SARAF: variants seen among roughly 807,000 people sequenced by gnomAD.
The protein encoded by SARAF is store-operated calcium entry associated regulatory factor.
A neutral mutation model predicts 39.7 loss-of-function variants in SARAF; 23 were observed. That is an observed-to-expected ratio of 0.58 (90% CI 0.42 to 0.82). The LOEUF (loss-of-function observed/expected upper bound fraction) is 0.82, where lower values mean the gene tolerates loss of function less well. Ranked by LOEUF, SARAF falls within the 40% of genes least tolerant of loss-of-function variation. The pLI is 0.00. For missense variants in SARAF, 384 were observed against 418.5 expected, an observed-to-expected ratio of 0.92 and a Z score of 0.72; for synonymous variants, 175 against 168.5, an observed-to-expected ratio of 1.04 and a Z score of -0.30.
intron 1 of SARAF, chr8:30,078,318 C>T (rs1489170090): frequency 4.7e-5 from 20 of 427,570 alleles, no homozygotes; most frequent in Non-Finnish European, 7.8e-5. Context: ...AAGAAAAGTT[C>T]CCACACTGAA....
In SARAF at chr8:30,066,036, T is replaced by G; in HGVS notation, c.946A>C (p.Ser316Arg). 1.2e-6 allele frequency: 2 copies of G among 1,614,138 alleles called. No homozygotes were observed. Among genetic ancestry groups the G allele is most frequent in the Non-Finnish European group, 1.7e-6 (2 of 1,180,016 alleles). The change falls in exon 5 of 6, where the codon AGC becomes CGC. Residue 316 changes from serine (S) to arginine (R), a missense_variant. Transcript: ENST00000256255. ...TCTGAGTTTGAACATACCGAATAGC[T>G]GCCCGAGCCTCCATGAAGGGGTGAG... ...AYSPLHGGSG[S>R]YSVCSNSDTK...
chr8:30,066,227 A>T, intron 4 of SARAF, 88 bp from the exon 5 acceptor site: 1 of 1,320,464 alleles, frequency 7.6e-7, no homozygotes, highest in Non-Finnish European at 1.0e-6. Flanking sequence ...TCAGAAAAAA[A>T]TATCTTTATC....
intron 2 of SARAF, among the ~76,000 whole-genome samples, chr8:30,072,065 C>T (rs1801860224): frequency 6.6e-6 from 1 of 152,142 alleles, no homozygotes; most frequent in Non-Finnish European, 1.5e-5. Flanking sequence ...TTTCACATTC[C>T]CAACAGCAGT....
rs568748306 is a variant in SARAF, at chr8:30,063,034, G to A, written c.*854C>T. On this transcript the variant is annotated 3_prime_UTR_variant, in exon 6 of 6. Coordinates refer to ENST00000256255, the MANE Select transcript of SARAF (RefSeq NM_016127.6). ...ATGAACTTTCCCCTTTGGGAAAAAGGGTTTAAAAAAACAAAAAGTAACATT... is the reference window on the plus strand; with the variant it reads ...ATGAACTTTCCCCTTTGGGAAAAAGAGTTTAAAAAAACAAAAAGTAACATT... 7 of 152,032 alleles carry A rather than the reference G, an allele frequency of 4.6e-5. No individual in the cohort carries two copies. In the South Asian group the frequency reaches 1.5e-3, roughly 32 times the overall value. 9.4% of individuals were successfully genotyped at this position (152,032 alleles called of 1,614,324 possible). A position where few individuals can be genotyped will look rare whatever the true frequency, so the allele number is the denominator to read the frequency against.
At chr8:30,074,453 T>A (rs1044502458) in intron 1 of SARAF, among the ~76,000 whole-genome samples, 6 of 152,324 alleles carry the variant, frequency 3.9e-5, no homozygotes, top group Non-Finnish European at 2.9e-5. Context: ...GTGAAGAAAT[T>A]AACACATTCT....
Position 30,069,609 on chromosome 8 carries a change from G to A in SARAF, c.700+33C>T, listed in dbSNP as rs372155934. 81 of 1,532,076 alleles carry A rather than the reference G, an allele frequency of 5.3e-5. No individual in the cohort carries two copies. The African/African-American group carries it at 8.0e-4, about 15-fold the overall frequency. The allele number at this position is 1,532,076 out of a possible 1,614,324, so 94.9% of individuals were successfully genotyped here. A position where few individuals can be genotyped will look rare whatever the true frequency, so the allele number is the denominator to read the frequency against. On this transcript the variant is annotated intron_variant, in intron 3 of 5. Coordinates refer to ENST00000256255, the MANE Select transcript of SARAF (RefSeq NM_016127.6). ...CACAGGATGCACTAACCTCACACCC[G>A]CTCTATTTATGGCCACTGCGAGGGA...
intron 5 of SARAF, among the ~76,000 whole-genome samples, chr8:30,064,368 T>C (rs1801623810): frequency 6.6e-6 from 1 of 151,726 alleles, no homozygotes; most frequent in African/African-American, 2.4e-5. Flanking sequence ...GGATGACAAA[T>C]CTTCCTATCT....
In SARAF at chr8:30,063,613, A is replaced by G; in HGVS notation, c.*275T>C. On this transcript the variant is annotated 3_prime_UTR_variant, in exon 6 of 6. Transcript: ENST00000256255. ...TCTTAGGGCATCACAGGTTTTAGAA[A>G]TTAATGTATTTTTAGCATTCCACAG... 1 of 478,622 alleles carries G rather than the reference A, an allele frequency of 2.1e-6. No homozygotes were observed. The highest frequency in any genetic ancestry group is 2.9e-5 in the South Asian group (1 of 35,028). 29.6% of individuals were successfully genotyped at this position (478,622 alleles called of 1,614,324 possible).
At position 30,082,990 on chromosome 8, in the gene SARAF, G is replaced by C. The variant is rs1802144880; in HGVS notation, c.-41C>G. ...TGGCGCCGGGCTGCCAGACGCCTAC[G>C]GGCCGAACCTGGGTGCGGTAGCGCG... On this transcript the variant is annotated 5_prime_UTR_variant, in exon 1 of 6. Coordinates refer to ENST00000256255, the MANE Select transcript of SARAF (RefSeq NM_016127.6). 2 of 1,467,204 alleles carry C rather than the reference G, an allele frequency of 1.4e-6. No individual in the cohort carries two copies. The highest frequency in any genetic ancestry group is 2.1e-5 in the Admixed American group (1 of 46,906). The allele number at this position is 1,467,204 out of a possible 1,614,324, so 90.9% of individuals were successfully genotyped here.
intron 3 of SARAF, among the ~76,000 whole-genome samples, chr8:30,068,311 T>C (rs1231629915): frequency 6.6e-6 from 1 of 152,182 alleles, no homozygotes; most frequent in Non-Finnish European, 1.5e-5. Context: ...CAAACCCTAC[T>C]GTGAACTGCA....
chr8:30,064,271 G>C (rs934931137), intron 5 of SARAF, among the ~76,000 whole-genome samples: 1 of 152,122 alleles, frequency 6.6e-6, no homozygotes, highest in Non-Finnish European at 1.5e-5. Context: ...CACAACTCCA[G>C]TGGTAAGAGA....
In SARAF at chr8:30,082,917, C is replaced by G; in HGVS notation, c.33G>C (p.Gly11=). MAAACGPGAA[G]YCLLLGLHLF... ...AATGCAAGCCGAGGAGCAAGCAGTA[C>G]CCGGCCGCTCCCGGCCCGCAGGCTG... The change falls in exon 1 of 6, where the codon GGG becomes GGC. Residue 11 remains glycine (G), a synonymous_variant. Transcript: ENST00000256255. 2 of 1,550,292 alleles carry G rather than the reference C, an allele frequency of 1.3e-6. No homozygotes were observed. The highest frequency in any genetic ancestry group is 8.7e-7 in the Non-Finnish European group (1 of 1,148,784).
At chr8:30,070,756 C>G (rs552722016) in intron 2 of SARAF, among the ~76,000 whole-genome samples, 1 of 152,068 alleles carries the variant, frequency 6.6e-6, no homozygotes, top group Non-Finnish European at 1.5e-5. Flanking sequence ...GATGTTAAGG[C>G]TCAAAACAGC....
At chr8:30,066,669 T>C in intron 4 of SARAF, 108 bp downstream of exon 4, 2 of 1,382,298 alleles carry the variant, frequency 1.4e-6, no homozygotes, top group Non-Finnish European at 2.0e-6. Context: ...TTTAATAGGC[T>C]AACGTCACCA....
Position 30,066,861 on chromosome 8 carries a change from T to C in SARAF, c.758A>G (p.Gln253Arg), listed in dbSNP as rs750719278. Residue 253 changes from glutamine (Q) to arginine (R), a missense_variant, in exon 4 of 6, where the codon CAA (glutamine) becomes CGA (arginine). By Grantham distance (43) the Gln-to-Arg change is conservative. Coordinates refer to ENST00000256255, the MANE Select transcript of SARAF (RefSeq NM_016127.6). The part of the protein sequence containing the change: ...TSGFGSAFTG[Q>R]QGYENSGPGF... ...TGGTCCTGAATTTTCATATCCTTGT[T>C]GTCCTGTAAAAGCACTGCCAAAACC... is the stretch of plus-strand genomic sequence containing the variant. 1.9e-6 allele frequency: 3 copies of C among 1,614,088 alleles called. No individual in the cohort carries two copies. The highest frequency in any genetic ancestry group is 1.7e-5 in the Admixed American group (1 of 60,000).
chr8:30,074,845 T>C (rs966732499), intron 1 of SARAF, among the ~76,000 whole-genome samples: 2 of 152,192 alleles, frequency 1.3e-5, no homozygotes, highest in African/African-American at 4.8e-5. Flanking sequence ...TGTAGGTTCA[T>C]TGTACACTTC....
chr8:30,079,851 G>T (rs1176483887), intron 1 of SARAF, among the ~76,000 whole-genome samples: 1 of 151,938 alleles, frequency 6.6e-6, no homozygotes, highest in Non-Finnish European at 1.5e-5. Flanking sequence ...CTTCCCTAGA[G>T]ATTCTTAAGG....
chr8:30,078,954 C>T (rs181413478), intron 1 of SARAF, among the ~76,000 whole-genome samples: 4 of 151,952 alleles, frequency 2.6e-5, no homozygotes, highest in Admixed American at 1.3e-4. Context: ...GTCAGGAGTT[C>T]GAGATCAGCC....
At chr8:30,072,647 G>A (rs1397251378) in intron 2 of SARAF, among the ~76,000 whole-genome samples, 1 of 152,194 alleles carries the variant, frequency 6.6e-6, no homozygotes, top group East Asian at 1.9e-4. Context: ...AATAGAAGGA[G>A]TTTCTGTCCT....
Sources: allele counts gnomAD v4.1 joint callset (sites outside exome capture counted in the v4.1 genomes callset), GRCh38; gene constraint gnomAD v4.1.1; transcripts MANE v1.5; gene names NCBI Gene and HGNC (gene_info 2026-07-23, HGNC 2026-07-21).